The following PARD3B variants were observed in gnomAD, a reference collection of about 807,000 sequenced individuals.
PARD3B encodes partitioning defective 3 homolog B.
In PARD3B, 103 loss-of-function variants were observed where a neutral mutation model predicts 130.2. The observed-to-expected ratio is 0.79, with a 90% CI of 0.67 to 0.93. The LOEUF (loss-of-function observed/expected upper bound fraction) is 0.93. Among genes scored for constraint, PARD3B ranks in the 40% least tolerant of loss-of-function variants. PARD3B has a pLI of 0.00. For synonymous variants in PARD3B, 583 were observed against 553.2 expected (o/e 1.05, Z -0.76); for missense variants, 1,609 against 1,499.2 (o/e 1.07, Z -1.21).
At chr2:204,821,966 G>A (rs2043378269) in intron 2 of PARD3B, among the ~76,000 whole-genome samples, 1 of 152,182 alleles carries the variant, frequency 6.6e-6, no homozygotes, top group African/African-American at 2.4e-5. Context: ...TGGATCAGCA[G>A]TAATTTTGAC....
intron 10 of PARD3B, among the ~76,000 whole-genome samples, chr2:205,143,878 T>A (rs559210991): frequency 1.3e-4 from 20 of 152,296 alleles, no homozygotes; most frequent in African/African-American, 4.6e-4. Flanking sequence ...ATGTGATACC[T>A]AAGAGAAGGG....
chr2:205,206,365 C>A (rs111387423), intron 15 of PARD3B, among the ~76,000 whole-genome samples: 9 of 141,650 alleles, frequency 6.4e-5, no homozygotes, highest in Non-Finnish European at 9.2e-5. Flanking sequence ...ATCCCTCCCC[C>A]CTCCCCCAAC....
At chr2:205,277,255 C>T (rs1471512994) in intron 16 of PARD3B, among the ~76,000 whole-genome samples, 1 of 152,166 alleles carries the variant, frequency 6.6e-6, no homozygotes, top group Non-Finnish European at 1.5e-5. Flanking sequence ...GGGGAGTGTG[C>T]TTGGGTTCAA....
At chr2:204,604,993 G>T (rs1465232568) in intron 1 of PARD3B, among the ~76,000 whole-genome samples, 3 of 152,044 alleles carry the variant, frequency 2.0e-5, no homozygotes, top group East Asian at 3.9e-4. Context: ...GGCCCAGCTG[G>T]GACCCTCTTT....
At chr2:204,658,929 A>C (rs1243220932) in intron 1 of PARD3B, among the ~76,000 whole-genome samples, 1 of 152,200 alleles carries the variant, frequency 6.6e-6, no homozygotes, top group African/African-American at 2.4e-5. Flanking sequence ...TTAAAAGCTC[A>C]TGTAGATATT....
Position 205,568,372 on chromosome 2 carries a change from C to A in PARD3B, c.3260+14969C>A, listed in dbSNP as rs2053440284. 6.6e-6 allele frequency among the ~76,000 whole-genome samples: 1 copy of A among 152,188 alleles called. No individual in the cohort carries two copies. The highest frequency in any genetic ancestry group is 1.5e-5 in the Non-Finnish European group (1 of 68,042). ...AACAGAGCAACCCAAGAGAATAACT[C>A]TAGAAGAAGATACTTCCAGTTTCTC... On this transcript the variant is annotated intron_variant, in intron 22 of 22. Transcript: ENST00000406610. The surrounding 1 kb of genome is among the most constrained non-coding windows in gnomAD (Gnocchi z 5.3).
At chr2:205,014,193 C>T (rs1475242490) in intron 3 of PARD3B, among the ~76,000 whole-genome samples, 1 of 152,208 alleles carries the variant, frequency 6.6e-6, no homozygotes, top group African/African-American at 2.4e-5. Context: ...CATGCTGTCA[C>T]TAGTATCAAC....
At chr2:205,545,532 A>C (rs1011974413) in intron 21 of PARD3B, among the ~76,000 whole-genome samples, 5 of 152,182 alleles carry the variant, frequency 3.3e-5, no homozygotes, top group African/African-American at 1.2e-4. Context: ...GGCAGCATGA[A>C]ACTCATTTTT....
intron 20 of PARD3B, among the ~76,000 whole-genome samples, chr2:205,485,567 C>A (rs779961206): frequency 6.6e-6 from 1 of 152,168 alleles, no homozygotes; most frequent in Non-Finnish European, 1.5e-5. Context: ...TTACAGAGAG[C>A]TAGCGTCTCC....
At chr2:205,111,104 A>T (rs1703616177) in intron 5 of PARD3B, among the ~76,000 whole-genome samples, 1 of 152,114 alleles carries the variant, frequency 6.6e-6, no homozygotes, top group Non-Finnish European at 1.5e-5. Context: ...CAAATAATAG[A>T]TAACATTTTA....
At chr2:205,035,894 G>C (rs745944037) in intron 3 of PARD3B, among the ~76,000 whole-genome samples, 2 of 96,972 alleles carry the variant, frequency 2.1e-5, no homozygotes, top group African/African-American at 8.3e-5. Flanking sequence ...ATATATAATG[G>C]GCTATATATA....
At chr2:205,331,553 G>A (rs370715649) in intron 18 of PARD3B, among the ~76,000 whole-genome samples, 17 of 151,924 alleles carry the variant, frequency 1.1e-4, no homozygotes, top group Non-Finnish European at 2.1e-4. Context: ...AGGCCGAGGC[G>A]GGTGGATCAC....
chr2:205,338,910 G>T (rs529136461), intron 18 of PARD3B, among the ~76,000 whole-genome samples: 98 of 152,270 alleles, frequency 6.4e-4, no homozygotes, highest in Non-Finnish European at 1.0e-3. Context: ...GTGGTCCTGG[G>T]AAAATAAGTC....
chr2:205,415,518 G>T lies in PARD3B; in HGVS notation c.2741+14395G>T, dbSNP rs142323951. Among the ~76,000 whole-genome samples the T allele has an allele frequency of 4.0e-3, 609 of 152,252 alleles. 8 individuals are homozygous for T. The highest frequency in any genetic ancestry group is 0.014 in the African/African-American group (561 of 41,554). Reference sequence around the variant, plus strand: ...TGCTAAAATATTCAATGTCTCAAGTGTGTATACGACTTAAGGTAAAAATGG... The same window carrying T: ...TGCTAAAATATTCAATGTCTCAAGTTTGTATACGACTTAAGGTAAAAATGG... On this transcript the variant is annotated intron_variant, in intron 19 of 22. Transcript: ENST00000406610.
At chr2:204,663,741 G>A (rs767317184) in intron 1 of PARD3B, among the ~76,000 whole-genome samples, 1 of 152,260 alleles carries the variant, frequency 6.6e-6, no homozygotes, top group South Asian at 2.1e-4. Context: ...ATCTCGTTTT[G>A]TAGATAGCAG....
chr2:205,382,759 AT>A (rs1488506872), intron 18 of PARD3B, among the ~76,000 whole-genome samples: 1 of 151,984 alleles, frequency 6.6e-6, no homozygotes, highest in Non-Finnish European at 1.5e-5. Context: ...ATGGATATTT[AT>A]TTTATTCTAA....
chr2:205,601,610 T>C (rs1026091795), intron 22 of PARD3B, among the ~76,000 whole-genome samples: 1 of 152,232 alleles, frequency 6.6e-6, no homozygotes, highest in Non-Finnish European at 1.5e-5. Flanking sequence ...TAGATTTTCT[T>C]CTAGGGTTTT....
intron 18 of PARD3B, among the ~76,000 whole-genome samples, chr2:205,357,844 A>G (rs556894033): frequency 6.6e-6 from 1 of 152,354 alleles, no homozygotes; most frequent in Admixed American, 6.5e-5. Flanking sequence ...CAGAAGAAAC[A>G]GCAATAAAAT....
chr2:205,530,269 T>G lies in PARD3B; in HGVS notation c.3181-23055T>G, dbSNP rs1418447603. On this transcript the variant is annotated intron_variant, in intron 21 of 22. Transcript: ENST00000406610. This position sits in a 1 kb window ranked among gnomAD's most constrained non-coding sequence, Gnocchi z 4.7. ...ATCCTAATATGCTTGAGACCTGTCT[T>G]TTGCTACCCACTACCACCCACAACA... Among the ~76,000 whole-genome samples the G allele has an allele frequency of 6.6e-6, 1 of 152,124 alleles. No homozygotes were observed. The highest frequency in any genetic ancestry group is 1.9e-4 in the East Asian group (1 of 5,186).
Sources: allele counts gnomAD v4.1 joint callset (sites outside exome capture counted in the v4.1 genomes callset), GRCh38; gene constraint gnomAD v4.1.1; non-coding constraint Gnocchi (gnomAD v3.1); transcripts MANE v1.5; gene names NCBI Gene and HGNC (gene_info 2026-07-23, HGNC 2026-07-21).